RBFOX1: variants seen among roughly 807,000 people sequenced by gnomAD.
RBFOX1 encodes the protein RNA binding fox-1 homolog 1, also known as RNA binding protein fox-1 homolog 1.
In RBFOX1, 8 loss-of-function variants were observed where a neutral mutation model predicts 57.7. The observed-to-expected ratio is 0.14, with a 90% CI of 0.08 to 0.25. RBFOX1 has a LOEUF of 0.25. RBFOX1 is among the 10% of genes least tolerant of loss of function. The pLI, the probability that RBFOX1 is intolerant of heterozygous loss-of-function variation, is 1.00. For missense variants in RBFOX1, 611 were observed against 548.5 expected (o/e 1.11, Z -1.14); for synonymous variants, 326 against 222.4 (o/e 1.47, Z -4.15).
At chr16:6,736,441 A>G (rs1210374417) in intron 3 of RBFOX1, among the ~76,000 whole-genome samples, 1 of 152,186 alleles carries the variant, frequency 6.6e-6, no homozygotes. Flanking sequence ...CATCACTTAG[A>G]GTAATAGTCT....
intron 4 of RBFOX1, among the ~76,000 whole-genome samples, chr16:7,242,044 C>A (rs2094092233): frequency 6.6e-6 from 1 of 152,058 alleles, no homozygotes; most frequent in South Asian, 2.1e-4. Flanking sequence ...CCACTAGATG[C>A]TATTACCATA....
chr16:6,795,897 C>G (rs1176407116), intron 3 of RBFOX1, among the ~76,000 whole-genome samples: 1 of 151,830 alleles, frequency 6.6e-6, no homozygotes, highest in South Asian at 2.1e-4. Flanking sequence ...CTTTTATGTT[C>G]TTATGTTTTT....
chr16:5,258,771 C>T (rs764025151), intron 1 of RBFOX1, among the ~76,000 whole-genome samples: 7 of 152,112 alleles, frequency 4.6e-5, no homozygotes, highest in Non-Finnish European at 1.0e-4. Context: ...CAAAAATTAG[C>T]CGGGCATGGT....
At chr16:6,923,177 C>T (rs1271812121) in intron 3 of RBFOX1, among the ~76,000 whole-genome samples, 1 of 152,098 alleles carries the variant, frequency 6.6e-6, no homozygotes, top group Non-Finnish European at 1.5e-5. Flanking sequence ...TACCCTGGTC[C>T]CTGCTCCTGG....
rs540575506 is a variant in RBFOX1, at chr16:6,898,293, C to T, written c.-15-153764C>T. On this transcript the variant is annotated intron_variant, in intron 3 of 15. Coordinates refer to ENST00000550418, the MANE Select transcript of RBFOX1 (RefSeq NM_018723.4). The stretch of plus-strand genomic sequence containing the variant: ...CCTCAAGCTGCCATCTGACCCCTGC[C>T]CCTCCACGACCTCTCAGAGCATAGC... Among the ~76,000 whole-genome samples, 5 of 152,220 alleles carry T rather than the reference C, an allele frequency of 3.3e-5. 1 individual carries two copies. The South Asian group carries it at 8.3e-4, about 25-fold the overall frequency.
In RBFOX1 at chr16:7,268,178, T is replaced by G; in HGVS notation, c.27+216080T>G. 1.3e-5 allele frequency among the ~76,000 whole-genome samples: 2 copies of G among 152,202 alleles called. 1 individual carries two copies. Among genetic ancestry groups the G allele is most frequent in the Non-Finnish European group, 2.9e-5 (2 of 68,024 alleles). On this transcript the variant is annotated intron_variant, in intron 4 of 15. Coordinates refer to ENST00000550418, the MANE Select transcript of RBFOX1 (RefSeq NM_018723.4). Reference sequence around the variant, plus strand: ...AACCATAGAAAAGGTACTGTAAAAATACTGCATTAACGTCTTATGGGACTG... The same window carrying G: ...AACCATAGAAAAGGTACTGTAAAAAGACTGCATTAACGTCTTATGGGACTG...
intron 14 of RBFOX1, among the ~76,000 whole-genome samples, chr16:7,708,812 A>C (rs1440948241): frequency 9.6e-6 from 1 of 103,898 alleles, no homozygotes; most frequent in East Asian, 3.0e-4. Flanking sequence ...GGAAAAGCAT[A>C]TGTAAGTACG....
chr16:7,146,404 G>A (rs962475179), intron 4 of RBFOX1, among the ~76,000 whole-genome samples: 5 of 152,178 alleles, frequency 3.3e-5, no homozygotes, highest in African/African-American at 1.2e-4. Flanking sequence ...TGCTGAACCA[G>A]CTGAACCCCT....
At chr16:7,064,733 T>C (rs1330885167) in intron 4 of RBFOX1, among the ~76,000 whole-genome samples, 1 of 152,154 alleles carries the variant, frequency 6.6e-6, no homozygotes, top group Non-Finnish European at 1.5e-5. Flanking sequence ...TCAAATACAT[T>C]GCTACTAAAA....
At chr16:7,204,601 G>A (rs112653083) in intron 4 of RBFOX1, among the ~76,000 whole-genome samples, 2,561 of 152,252 alleles carry the variant, frequency 0.017, 75 homozygotes, top group African/African-American at 0.058. Flanking sequence ...AGCTATGATC[G>A]TGCCATTGGA....
chr16:5,895,229 A>T (rs2152160243), intron 4 of RBFOX1, among the ~76,000 whole-genome samples: 2 of 152,304 alleles, frequency 1.3e-5, no homozygotes, highest in Middle Eastern at 3.4e-3. Context: ...AACTTAGTTG[A>T]GGCAGTTTCA....
intron 2 of RBFOX1, among the ~76,000 whole-genome samples, chr16:5,524,186 G>A (rs9635550): frequency 0.78 from 119,296 of 152,122 alleles, 47,956 homozygotes; most frequent in East Asian, 0.99. Context: ...CTAGAGCTGA[G>A]ACAAAGCTGA....
At chr16:5,511,667 G>C (rs547029484) in intron 2 of RBFOX1, among the ~76,000 whole-genome samples, 17 of 152,300 alleles carry the variant, frequency 1.1e-4, no homozygotes, top group Admixed American at 2.0e-4. Flanking sequence ...GAATCAGAGA[G>C]TTAAAGCAAC....
intron 1 of RBFOX1, among the ~76,000 whole-genome samples, chr16:5,389,517 C>G (rs1468415784): frequency 1.3e-5 from 2 of 152,038 alleles, no homozygotes; most frequent in African/African-American, 2.4e-5. Flanking sequence ...CAAAGTCACT[C>G]CAGCTGAAAA....
At chr16:7,050,801 TCATA>T (rs2049800481) in intron 3 of RBFOX1, among the ~76,000 whole-genome samples, 1 of 152,198 alleles carries the variant, frequency 6.6e-6, no homozygotes, top group Admixed American at 6.5e-5. Context: ...ATTTCTTTTT[TCATA>T]CATAATGTTG....
At chr16:5,434,907 A>G (rs1344097053) in intron 1 of RBFOX1, among the ~76,000 whole-genome samples, 2 of 566 alleles carry the variant, frequency 3.5e-3, no homozygotes, top group Non-Finnish European at 8.9e-3. Context: ...AGGTAAGATA[A>G]AAAAAAAAAT....
intron 2 of RBFOX1, among the ~76,000 whole-genome samples, chr16:6,536,420 C>A (rs1395505003): frequency 6.6e-6 from 1 of 152,206 alleles, no homozygotes; most frequent in Non-Finnish European, 1.5e-5. Context: ...TTGTCCTCCC[C>A]TGTTGACTTC....
intron 1 of RBFOX1, among the ~76,000 whole-genome samples, chr16:6,105,423 A>C (rs2096366544): frequency 6.6e-6 from 1 of 152,206 alleles, no homozygotes; most frequent in African/African-American, 2.4e-5. Flanking sequence ...CATCAGAATT[A>C]TCACAAATTC....
At chr16:5,315,774 T>G (rs2064220494) in intron 1 of RBFOX1, among the ~76,000 whole-genome samples, 1 of 152,116 alleles carries the variant, frequency 6.6e-6, no homozygotes, top group Non-Finnish European at 1.5e-5. Flanking sequence ...GGGAAGAAGG[T>G]GAGCTCTTCT....
Sources: gnomAD v4.1 joint callset for allele counts (sites outside exome capture counted in the v4.1 genomes callset) on GRCh38, gnomAD v4.1.1 for gene constraint, MANE v1.5 for transcripts, NCBI Gene and HGNC (gene_info 2026-07-23, HGNC 2026-07-21) for gene names.